The following PCGF5 variants were observed in gnomAD, a reference collection of about 807,000 sequenced individuals.
The protein encoded by PCGF5 is polycomb group ring finger 5, also known as polycomb group RING finger protein 5.
In PCGF5, 9 loss-of-function variants were observed where a neutral mutation model predicts 44.3. The ratio of observed to expected loss-of-function variants is 0.20; its 90% CI spans 0.12 to 0.35. The LOEUF (loss-of-function observed/expected upper bound fraction) is 0.35. PCGF5 is among the 10% of genes least tolerant of loss of function. The pLI is 1.00. For missense variants in PCGF5, 146 were observed against 305.3 expected (o/e 0.48, Z 3.89); for synonymous variants, 95 against 102.5 (o/e 0.93, Z 0.44).
At chr10:91,252,071 C>T (rs1434786939) in intron 6 of PCGF5, among the ~76,000 whole-genome samples, 1 of 151,862 alleles carries the variant, frequency 6.6e-6, no homozygotes, top group African/African-American at 2.4e-5. Context: ...TATAGATTTT[C>T]TTTGGTCTTT....
At chr10:91,272,988 T>C (rs912480011) in intron 9 of PCGF5, among the ~76,000 whole-genome samples, 4 of 152,242 alleles carry the variant, frequency 2.6e-5, no homozygotes, top group African/African-American at 9.6e-5. Flanking sequence ...AAATTGCTAA[T>C]TGAAAATGTT....
At chr10:91,257,197 A>G (rs1454574227) in intron 6 of PCGF5, among the ~76,000 whole-genome samples, 1 of 152,136 alleles carries the variant, frequency 6.6e-6, no homozygotes, top group Non-Finnish European at 1.5e-5. Flanking sequence ...CAATAAGCAC[A>G]GGAAAAGTTG....
At chr10:91,167,913 T>C (rs1843528476) in intron 1 of PCGF5, among the ~76,000 whole-genome samples, 2 of 152,180 alleles carry the variant, frequency 1.3e-5, no homozygotes, top group African/African-American at 4.8e-5. Flanking sequence ...ACAGAACTTG[T>C]TGGCAATTGG....
intron 1 of PCGF5, among the ~76,000 whole-genome samples, chr10:91,170,499 A>T (rs1312970017): frequency 1.3e-5 from 2 of 152,248 alleles, no homozygotes; most frequent in African/African-American, 4.8e-5. Context: ...GCAAATAAGC[A>T]TATGAAAAGA....
At chr10:91,224,015 T>G (rs919451022) in intron 2 of PCGF5, among the ~76,000 whole-genome samples, 3 of 152,212 alleles carry the variant, frequency 2.0e-5, no homozygotes, top group African/African-American at 7.2e-5. Context: ...TGACTTAATG[T>G]TATACCAGTA....
At chr10:91,191,190 A>C (rs2133212675) in intron 1 of PCGF5, among the ~76,000 whole-genome samples, 1 of 152,388 alleles carries the variant, frequency 6.6e-6, no homozygotes, top group South Asian at 2.1e-4. Flanking sequence ...CAACAACAAC[A>C]ACTAATAAAA....
intron 3 of PCGF5, 131 bp downstream of exon 3, chr10:91,240,711 G>T: frequency 2.2e-6 from 1 of 456,634 alleles, no homozygotes. Flanking sequence ...TCATTTTAAA[G>T]CATTTTATTT....
At chr10:91,274,558 A>C (rs1846260511) in intron 9 of PCGF5, among the ~76,000 whole-genome samples, 2 of 152,232 alleles carry the variant, frequency 1.3e-5, no homozygotes, top group South Asian at 4.1e-4. Context: ...AAAAATGAGC[A>C]CAAATCTTTT....
chr10:91,248,403 T>C (rs1845526595), intron 3 of PCGF5, 102 bp from the exon 4 acceptor site: 1 of 1,062,000 alleles, frequency 9.4e-7, no homozygotes, highest in African/African-American at 1.6e-5. Flanking sequence ...TAAAATTGTG[T>C]ATGTATTTTG....
In PCGF5 at chr10:91,222,771, C is replaced by A. The variant is rs1001522392; in HGVS notation, c.-101C>A. 3.2e-6 allele frequency: 2 copies of A among 634,644 alleles called. No homozygotes were observed. The highest frequency in any genetic ancestry group is 5.6e-6 in the Non-Finnish European group (2 of 354,322). 39.3% of individuals were successfully genotyped at this position (634,644 alleles called of 1,614,324 possible). A position where few individuals can be genotyped will look rare whatever the true frequency, so the allele number is the denominator to read the frequency against. On this transcript the variant is annotated 5_prime_UTR_variant, in exon 2 of 10. Coordinates refer to ENST00000336126, the MANE Select transcript of PCGF5 (RefSeq NM_032373.5). ...GGATGCTAGTTCTCATGCCTCAGGA[C>A]ATCCTACTGGGAACGACACACCAGC... is the stretch of plus-strand genomic sequence containing the variant.
intron 2 of PCGF5, among the ~76,000 whole-genome samples, chr10:91,238,871 A>G (rs1355805476): frequency 6.6e-6 from 1 of 151,982 alleles, no homozygotes; most frequent in Non-Finnish European, 1.5e-5. Context: ...CCAAGCTTTT[A>G]TATCTAAGCT....
chr10:91,193,779 T>C (rs1175483107), intron 1 of PCGF5, among the ~76,000 whole-genome samples: 1 of 152,056 alleles, frequency 6.6e-6, no homozygotes, highest in Non-Finnish European at 1.5e-5. Flanking sequence ...TCTAGTAGAC[T>C]GTAAAGAGGA....
chr10:91,195,469 TGCATATATATATATATAGAG>T (rs1231796564), intron 1 of PCGF5, among the ~76,000 whole-genome samples: 102 of 81,132 alleles, frequency 1.3e-3, no homozygotes, highest in African/African-American at 3.1e-3. Flanking sequence ...TATATATGCA[TGCATATATATATATATAGAG>T]AGAGAGAGAG....
At chr10:91,182,246 G>C (rs1294177929) in intron 1 of PCGF5, among the ~76,000 whole-genome samples, 1 of 151,858 alleles carries the variant, frequency 6.6e-6, no homozygotes, top group Non-Finnish European at 1.5e-5. Context: ...ACTCGTTATT[G>C]GTTTGTTCAG....
chr10:91,228,249 A>G (rs1356727956), intron 2 of PCGF5, among the ~76,000 whole-genome samples: 2 of 152,158 alleles, frequency 1.3e-5, no homozygotes, highest in African/African-American at 4.8e-5. Flanking sequence ...TTGATTTAAA[A>G]CAAAAGACTT....
rs111819798 is a variant in PCGF5 at position 91,222,280 on chromosome 10, A to T, written c.-183-409A>T. Among the ~76,000 whole-genome samples, 30 of 152,256 alleles carry T rather than the reference A, an allele frequency of 2.0e-4. 2 individuals are homozygous for T. Among genetic ancestry groups the T allele is most frequent in the African/African-American group, 6.7e-4 (28 of 41,532 alleles). On this transcript the variant is annotated intron_variant, in intron 1 of 9. Transcript: ENST00000336126. Reference sequence around the variant, plus strand: ...TAGCAGAGGATATCAACTTGGTTTGACTCGTAACTGGATGAAGGGTTAAAA... The same window carrying T: ...TAGCAGAGGATATCAACTTGGTTTGTCTCGTAACTGGATGAAGGGTTAAAA...
intron 2 of PCGF5, among the ~76,000 whole-genome samples, chr10:91,231,932 T>C (rs776992307): frequency 2.0e-5 from 3 of 152,200 alleles, no homozygotes; most frequent in Non-Finnish European, 4.4e-5. Flanking sequence ...GAAAACGGAA[T>C]GTAAGTTATA....
At chr10:91,191,433 A>G (rs1403807227) in intron 1 of PCGF5, among the ~76,000 whole-genome samples, 1 of 152,230 alleles carries the variant, frequency 6.6e-6, no homozygotes, top group Non-Finnish European at 1.5e-5. Context: ...CTCAGATGGC[A>G]CACAATTTAA....
intron 1 of PCGF5, among the ~76,000 whole-genome samples, chr10:91,208,567 C>T (rs1844390270): frequency 1.3e-5 from 2 of 152,318 alleles, no homozygotes; most frequent in Middle Eastern, 3.4e-3. Flanking sequence ...AGAGCCAAAA[C>T]ACATTGCTCT....
Sources: allele counts gnomAD v4.1 joint callset (sites outside exome capture counted in the v4.1 genomes callset), GRCh38; gene constraint gnomAD v4.1.1; transcripts MANE v1.5; gene names NCBI Gene and HGNC (gene_info 2026-07-23, HGNC 2026-07-21).